CCL2: variants seen among roughly 807,000 people sequenced by gnomAD.
The protein encoded by CCL2 is C-C motif chemokine ligand 2, also known as C-C motif chemokine 2.
CCL2 carries 2 observed loss-of-function variants against 6.7 expected under a neutral mutation model. The observed-to-expected ratio is 0.30, with a 90% CI of 0.12 to 0.94. The LOEUF (loss-of-function observed/expected upper bound fraction) is 0.94. Among genes scored for constraint, CCL2 ranks in the 40% least tolerant of loss-of-function variants. CCL2 has a pLI of 0.54. For synonymous variants in CCL2, 43 were observed against 45.2 expected, an observed-to-expected ratio of 0.95 and a Z score of 0.19; for missense variants, 89 against 119.3, an observed-to-expected ratio of 0.75 and a Z score of 1.18.
chr17:34,256,981 T>C lies in CCL2; in HGVS notation c.*154T>C. 1.8e-6 allele frequency: 1 copy of C among 549,578 alleles called. No homozygotes were observed. 34.0% of individuals were successfully genotyped at this position (549,578 alleles called of 1,614,324 possible). On this transcript the variant is annotated 3_prime_UTR_variant, in exon 3 of 3. Transcript: ENST00000225831. The stretch of plus-strand genomic sequence containing the variant: ...AATTCTTATTTAAGTTATTGATGTT[T>C]TAAGTTTATCTTTCATGGTACTAGT...
chr17:34,256,299 A>G lies in CCL2; in HGVS notation c.154A>G (p.Arg52Gly). 6.2e-7 allele frequency: 1 copy of G among 1,613,970 alleles called. No individual in the cohort carries two copies. The highest frequency in any genetic ancestry group is 8.5e-7 in the Non-Finnish European group (1 of 1,179,846). ...KISVQRLASY[R>G]RITSSKCPKE... Reference sequence around the variant, plus strand: ...CTCAGTGCAGAGGCTCGCGAGCTATAGAAGAATCACCAGCAGCAAGTGTCC... The same window carrying G: ...CTCAGTGCAGAGGCTCGCGAGCTATGGAAGAATCACCAGCAGCAAGTGTCC... The change falls in exon 2 of 3, where the codon AGA becomes GGA. Residue 52 changes from arginine to glycine, a missense_variant. Coordinates refer to ENST00000225831, the MANE Select transcript of CCL2 (RefSeq NM_002982.4).
At position 34,255,335 on chromosome 17, in the gene CCL2, A is replaced by T; in HGVS notation, c.-15A>T. 1.2e-6 allele frequency: 2 copies of T among 1,612,480 alleles called. No individual in the cohort carries two copies. Among genetic ancestry groups the T allele is most frequent in the Non-Finnish European group, 1.7e-6 (2 of 1,179,062 alleles). On this transcript the variant is annotated 5_prime_UTR_variant, in exon 1 of 3. Transcript: ENST00000225831. ...ATCCAATTCTCAAACTGAAGCTCGC[A>T]CTCTCGCCTCCAGCATGAAAGTCTC...
At chr17:34,255,606 A>G in intron 1 of CCL2, 181 bp downstream of exon 1, 2 of 566,634 alleles carry the variant, frequency 3.5e-6, no homozygotes, top group Non-Finnish European at 6.2e-6. Context: ...AGCCTGAACT[A>G]GAATTCCAGC....
chr17:34,256,475 C>T, intron 2 of CCL2, 136 bp downstream of exon 2: 2 of 682,910 alleles, frequency 2.9e-6, no homozygotes, highest in East Asian at 2.6e-5. Flanking sequence ...AACTGAGGCA[C>T]CAAGGGAAAA....
At chr17:34,255,540 A>C in intron 1 of CCL2, 115 bp downstream of exon 1, 1 of 892,762 alleles carries the variant, frequency 1.1e-6, no homozygotes, top group Non-Finnish European at 1.7e-6. Context: ...TTCCAAGATA[A>C]GGTGACTCAG....
rs1224204710 is a variant in CCL2 at position 34,256,294 on chromosome 17, G to A, written c.149G>A (p.Ser50Asn). The A allele has an allele frequency of 1.9e-6, 3 of 1,613,868 alleles. No homozygotes were observed. The African/African-American group carries it at 4.0e-5, about 22-fold the overall frequency. ...NRKISVQRLA[S>N]YRRITSSKCP... The stretch of plus-strand genomic sequence containing the variant: ...AAGATCTCAGTGCAGAGGCTCGCGA[G>A]CTATAGAAGAATCACCAGCAGCAAG... Residue 50 changes from serine to asparagine, a missense_variant, in exon 2 of 3, where the codon AGC becomes AAC. Physicochemically the swap from Ser to Asn is conservative, Grantham distance 46. Coordinates refer to ENST00000225831, the MANE Select transcript of CCL2 (RefSeq NM_002982.4).
intron 1 of CCL2, 46 bp downstream of exon 1, chr17:34,255,471 G>C (rs556493267): frequency 5.3e-6 from 8 of 1,498,466 alleles, no homozygotes; most frequent in African/African-American, 1.4e-5. Context: ...TCTTCTCTCT[G>C]AGTTATCATG....
chr17:34,256,328 A>G lies in CCL2; in HGVS notation c.183A>G (p.Lys61=). The G allele has an allele frequency of 6.2e-7, 1 of 1,611,584 alleles. No homozygotes were observed. The highest frequency in any genetic ancestry group is 8.5e-7 in the Non-Finnish European group (1 of 1,177,662). Residue 61 remains lysine (K), a synonymous_variant, in exon 2 of 3, where the codon AAA becomes AAG. Coordinates refer to ENST00000225831, the MANE Select transcript of CCL2 (RefSeq NM_002982.4). ...GAATCACCAGCAGCAAGTGTCCCAA[A>G]GAAGCTGTGATGTGAGTTCAGCACA... ...YRRITSSKCP[K]EAVIFKTIVA...
At position 34,255,301 on chromosome 17, in the gene CCL2, C is replaced by A; in HGVS notation, c.-49C>A. 6.4e-7 allele frequency: 1 copy of A among 1,556,078 alleles called. No individual in the cohort carries two copies. The highest frequency in any genetic ancestry group is 8.9e-7 in the Non-Finnish European group (1 of 1,128,846). ...AGAGGAACCGAGAGGCTGAGACTAA[C>A]CCAGAAACATCCAATTCTCAAACTG... On this transcript the variant is annotated 5_prime_UTR_variant, in exon 1 of 3. Transcript: ENST00000225831.
chr17:34,256,142 C>T, intron 1 of CCL2, 80 bp from the exon 2 acceptor site: 3 of 981,594 alleles, frequency 3.1e-6, no homozygotes, highest in Non-Finnish European at 3.1e-6. Context: ...TTGCTTTTTC[C>T]TCATGACTCT....
chr17:34,256,381 CT>C (rs1567640996), intron 2 of CCL2, 42 bp downstream of exon 2: 1 of 1,311,268 alleles, frequency 7.6e-7, no homozygotes, highest in Non-Finnish European at 1.1e-6. Flanking sequence ...GAAGTTCTTC[CT>C]TGTGGAGCAA....
rs763076758 is a variant in CCL2 at position 34,256,845 on chromosome 17, C to G, written c.*18C>G. The G allele has an allele frequency of 3.9e-5, 57 of 1,471,820 alleles. No homozygotes were observed. Among genetic ancestry groups the G allele is most frequent in the Non-Finnish European group, 5.1e-5 (54 of 1,053,214 alleles). 91.2% of individuals were successfully genotyped at this position (1,471,820 alleles called of 1,614,324 possible). ...AGACTTGAACACTCACTCCACAACC[C>G]AAGAATCTGCAGCTAACTTATTTTC... On this transcript the variant is annotated 3_prime_UTR_variant, in exon 3 of 3. Coordinates refer to ENST00000225831, the MANE Select transcript of CCL2 (RefSeq NM_002982.4).
Position 34,255,287 on chromosome 17 carries a change from G to C in CCL2, c.-63G>C, listed in dbSNP as rs1907648679. On this transcript the variant is annotated 5_prime_UTR_variant, in exon 1 of 3. Coordinates refer to ENST00000225831, the MANE Select transcript of CCL2 (RefSeq NM_002982.4). Reference sequence around the variant, plus strand: ...CAGAGACAGCAGCCAGAGGAACCGAGAGGCTGAGACTAACCCAGAAACATC... The same window carrying C: ...CAGAGACAGCAGCCAGAGGAACCGACAGGCTGAGACTAACCCAGAAACATC... 7.0e-7 allele frequency: 1 copy of C among 1,438,228 alleles called. No individual in the cohort carries two copies. The highest frequency in any genetic ancestry group is 1.2e-5 in the South Asian group (1 of 85,298). 89.1% of individuals were successfully genotyped at this position (1,438,228 alleles called of 1,614,324 possible).
Position 34,255,325 on chromosome 17 carries a change from T to G in CCL2, c.-25T>G, listed in dbSNP as rs1907650257. The G allele has an allele frequency of 6.2e-7, 1 of 1,610,380 alleles. No homozygotes were observed. The highest frequency in any genetic ancestry group is 8.5e-7 in the Non-Finnish European group (1 of 1,177,038). On this transcript the variant is annotated 5_prime_UTR_variant, in exon 1 of 3. Coordinates refer to ENST00000225831, the MANE Select transcript of CCL2 (RefSeq NM_002982.4). ...ACCCAGAAACATCCAATTCTCAAAC[T>G]GAAGCTCGCACTCTCGCCTCCAGCA...
chr17:34,256,319 G>A lies in CCL2; in HGVS notation c.174G>A (p.Lys58=), dbSNP rs1027807658. The part of the protein sequence containing the change: ...LASYRRITSS[K]CPKEAVIFKT... ...GCTATAGAAGAATCACCAGCAGCAA[G>A]TGTCCCAAAGAAGCTGTGATGTGAG... The change falls in exon 2 of 3, where the codon AAG becomes AAA. Residue 58 remains lysine (K), a synonymous_variant. Coordinates refer to ENST00000225831, the MANE Select transcript of CCL2 (RefSeq NM_002982.4). 32 of 1,612,964 alleles carry A rather than the reference G, an allele frequency of 2.0e-5. No individual in the cohort carries two copies. Among genetic ancestry groups the A allele is most frequent in the Admixed American group, 6.7e-5 (4 of 60,004 alleles).
rs757082330 is a variant in CCL2 at position 34,256,787 on chromosome 17, T to A, written c.260T>A (p.Met87Lys). The change falls in exon 3 of 3, where the codon ATG (methionine) becomes AAG (lysine). Residue 87 changes from methionine (M) to lysine (K), a missense_variant. Coordinates refer to ENST00000225831, the MANE Select transcript of CCL2 (RefSeq NM_002982.4). ...AAGCAGAAGTGGGTTCAGGATTCCA[T>A]GGACCACCTGGACAAGCAAACCCAA... ...DPKQKWVQDS[M>K]DHLDKQTQTP... 6.2e-7 allele frequency: 1 copy of A among 1,613,866 alleles called. No individual in the cohort carries two copies. The highest frequency in any genetic ancestry group is 8.5e-7 in the Non-Finnish European group (1 of 1,179,812).
Position 34,256,763 on chromosome 17 carries a change from A to G in CCL2, c.236A>G (p.Lys79Arg), listed in dbSNP as rs937135761. The G allele has an allele frequency of 6.2e-6, 10 of 1,613,958 alleles. No homozygotes were observed. Among genetic ancestry groups the G allele is most frequent in the Non-Finnish European group, 8.5e-6 (10 of 1,179,894 alleles). The change falls in exon 3 of 3, where the codon AAG becomes AGG. Residue 79 changes from lysine to arginine, a missense_variant. Lys to Arg is a conservative substitution (Grantham distance 26). Coordinates refer to ENST00000225831, the MANE Select transcript of CCL2 (RefSeq NM_002982.4). ...GCCAAGGAGATCTGTGCTGACCCCA[A>G]GCAGAAGTGGGTTCAGGATTCCATG... ...IVAKEICADP[K>R]QKWVQDSMDH...
chr17:34,256,374 G>C (rs1221915306), intron 2 of CCL2, 35 bp downstream of exon 2: 1 of 1,369,340 alleles, frequency 7.3e-7, no homozygotes, highest in Non-Finnish European at 1.0e-6. Flanking sequence ...CTGGCCTGAA[G>C]TTCTTCCTTG....
chr17:34,255,677 T>C, intron 1 of CCL2: 1 of 472,026 alleles, frequency 2.1e-6, no homozygotes, highest in South Asian at 3.0e-5. Context: ...TCAGCGCAGT[T>C]ACTCCCCCAG....
Sources: gnomAD v4.1 joint callset for allele counts on GRCh38, gnomAD v4.1.1 for gene constraint, MANE v1.5 for transcripts, NCBI Gene and HGNC (gene_info 2026-07-23, HGNC 2026-07-21) for gene names.